Variants in LRBA observed in about 807,000 individuals in gnomAD.
LRBA encodes LPS responsive beige-like anchor protein.
A neutral mutation model predicts 330.0 loss-of-function variants in LRBA; 176 were observed. The ratio of observed to expected loss-of-function variants is 0.53; its 90% CI spans 0.47 to 0.60. The LOEUF (loss-of-function observed/expected upper bound fraction) is 0.60, where lower values mean the gene tolerates loss of function less well. Among genes scored for constraint, LRBA ranks in the 20% least tolerant of loss-of-function variants. The pLI, the probability that LRBA is intolerant of heterozygous loss-of-function variation, is 0.00. For missense variants in LRBA, 3,259 were observed against 3,444.8 expected (o/e 0.95, Z 1.35); for synonymous variants, 1,230 against 1,193.0 (o/e 1.03, Z -0.64).
intron 35 of LRBA, among the ~76,000 whole-genome samples, chr4:150,737,446 C>T (rs767374827): frequency 3.1e-4 from 47 of 149,668 alleles, no homozygotes; most frequent in South Asian, 8.5e-4. Context: ...GGTGACAGAG[C>T]GAGACTCCGA....
At chr4:150,567,568 T>G (rs1273004295) in intron 40 of LRBA, among the ~76,000 whole-genome samples, 1 of 152,156 alleles carries the variant, frequency 6.6e-6, no homozygotes, top group Admixed American at 6.6e-5. Context: ...TAGCAAGGTT[T>G]CTATACAGAT....
chr4:150,488,910 T>C (rs1561248345), intron 41 of LRBA, among the ~76,000 whole-genome samples: 2 of 129,854 alleles, frequency 1.5e-5, no homozygotes, highest in South Asian at 2.5e-4. Context: ...TAAGAATATA[T>C]ACACACACAT....
chr4:150,362,121 T>A (rs575357251), intron 47 of LRBA, among the ~76,000 whole-genome samples: 2 of 152,194 alleles, frequency 1.3e-5, no homozygotes, highest in East Asian at 3.9e-4. Context: ...AATTAATATA[T>A]CAAAAACCAA....
chr4:150,873,889 T>C (rs1311570306), intron 17 of LRBA, among the ~76,000 whole-genome samples: 1 of 152,176 alleles, frequency 6.6e-6, no homozygotes, highest in Non-Finnish European at 1.5e-5. Flanking sequence ...TTTGATTCCT[T>C]TTAAAACATG....
At chr4:150,618,042 C>T (rs1486004669) in intron 37 of LRBA, among the ~76,000 whole-genome samples, 1 of 151,928 alleles carries the variant, frequency 6.6e-6, no homozygotes, top group Non-Finnish European at 1.5e-5. Context: ...GAGGTTGAGG[C>T]TGCAGTGAGG....
intron 47 of LRBA, among the ~76,000 whole-genome samples, chr4:150,384,046 T>C (rs1279974915): frequency 6.6e-6 from 1 of 151,904 alleles, no homozygotes; most frequent in Non-Finnish European, 1.5e-5. Context: ...ATTTATTTAT[T>C]TATTTATTTT....
intron 31 of LRBA, among the ~76,000 whole-genome samples, chr4:150,815,251 A>G (rs1243682943): frequency 6.6e-6 from 1 of 151,784 alleles, no homozygotes; most frequent in Non-Finnish European, 1.5e-5. Flanking sequence ...TAGAAAAACC[A>G]CAGTTGATTC....
At chr4:150,770,153 A>G (rs1487550960) in intron 34 of LRBA, among the ~76,000 whole-genome samples, 1 of 152,174 alleles carries the variant, frequency 6.6e-6, no homozygotes, top group Non-Finnish European at 1.5e-5. Flanking sequence ...GTTGGGAAAG[A>G]CATCCTCTTC....
chr4:150,973,965 A>G (rs1008497905), intron 2 of LRBA, among the ~76,000 whole-genome samples: 5 of 152,272 alleles, frequency 3.3e-5, no homozygotes, highest in African/African-American at 7.2e-5. Context: ...AAGATCAAAT[A>G]TAAGACGCAC....
At chr4:150,345,717 C>G (rs895688416) in intron 48 of LRBA, among the ~76,000 whole-genome samples, 2 of 152,140 alleles carry the variant, frequency 1.3e-5, no homozygotes, top group Non-Finnish European at 2.9e-5. Context: ...TTGTTTGTTT[C>G]TTTGTTCATT....
rs150963950 is a variant in LRBA at position 150,881,293 on chromosome 4, G to A, written c.2166-8538C>T. Among the ~76,000 whole-genome samples the A allele has an allele frequency of 5.3e-3, 804 of 152,276 alleles. 6 individuals are homozygous for A. Among genetic ancestry groups the A allele is most frequent in the Middle Eastern group, 0.01 (3 of 294 alleles). On this transcript the variant is annotated intron_variant, in intron 17 of 56. Coordinates refer to ENST00000651943, the MANE Select transcript of LRBA (RefSeq NM_001364905.1). ...GTTTCTATCAACGGTAGATTGGATA[G>A]AGAAAATGTAATACATATACACCAA...
intron 2 of LRBA, among the ~76,000 whole-genome samples, chr4:150,968,469 C>T (rs1739153532): frequency 6.6e-6 from 1 of 152,180 alleles, no homozygotes; most frequent in African/African-American, 2.4e-5. Flanking sequence ...AGCTTCATGG[C>T]TGATATGGAG....
rs957465373 is a variant in LRBA at position 150,641,709 on chromosome 4, G to T, written c.5921+41842C>A. On this transcript the variant is annotated intron_variant, in intron 37 of 56. Coordinates refer to ENST00000651943, the MANE Select transcript of LRBA (RefSeq NM_001364905.1). ...ATATGTTCTTCTTTATATGCACAAG[G>T]GCAAGAATTAGTTTAGGGGTATAGG... Among the ~76,000 whole-genome samples the T allele has an allele frequency of 4.6e-5, 7 of 151,930 alleles. No individual in the cohort carries two copies. In the East Asian group the frequency reaches 1.3e-3, roughly 29 times the overall value.
chr4:150,305,708 A>C (rs1321411389), intron 52 of LRBA, among the ~76,000 whole-genome samples: 2 of 152,238 alleles, frequency 1.3e-5, no homozygotes, highest in African/African-American at 4.8e-5. Flanking sequence ...AGTTACATCT[A>C]AAGGGTTTTA....
chr4:150,708,304 C>T (rs770791203), intron 36 of LRBA, among the ~76,000 whole-genome samples: 10 of 151,806 alleles, frequency 6.6e-5, no homozygotes, highest in Non-Finnish European at 1.5e-4. Context: ...GCAAACTTGT[C>T]TAAATCATTC....
At chr4:150,924,590 A>G (rs1395198928) in intron 4 of LRBA, among the ~76,000 whole-genome samples, 2 of 152,202 alleles carry the variant, frequency 1.3e-5, no homozygotes, top group East Asian at 1.9e-4. Flanking sequence ...ATGTCCACCA[A>G]TGCAATATTT....
intron 2 of LRBA, among the ~76,000 whole-genome samples, chr4:150,938,177 T>C (rs1253798651): frequency 6.6e-6 from 1 of 152,020 alleles, no homozygotes. Context: ...TTAACACCTG[T>C]CTAAAAATGT....
chr4:150,490,881 G>T, intron 41 of LRBA, 37 bp downstream of exon 41: 1 of 1,222,004 alleles, frequency 8.2e-7, no homozygotes, highest in South Asian at 1.3e-5. Context: ...AGAGATGGAA[G>T]TTAGCTCTGT....
chr4:150,658,899 G>A lies in LRBA; in HGVS notation c.5921+24652C>T, dbSNP rs2126807514. ...AGCGCCGCCACGCCTGACTGGTTTT[G>A]GTGGAGACAGGGTTTCGCTGTGTTG... On this transcript the variant is annotated intron_variant, in intron 37 of 56. Coordinates refer to ENST00000651943, the MANE Select transcript of LRBA (RefSeq NM_001364905.1). 5.6e-5 allele frequency among the ~76,000 whole-genome samples: 2 copies of A among 35,416 alleles called. 1 individual carries two copies. The highest frequency in any genetic ancestry group is 8.2e-5 in the African/African-American group (2 of 24,390). 23.2% of individuals were successfully genotyped at this position (35,416 alleles called of 152,430 possible). A position where few individuals can be genotyped will look rare whatever the true frequency, so the allele number is the denominator to read the frequency against.
Sources: allele counts gnomAD v4.1 joint callset (sites outside exome capture counted in the v4.1 genomes callset), GRCh38; gene constraint gnomAD v4.1.1; transcripts MANE v1.5; gene names NCBI Gene and HGNC (gene_info 2026-07-23, HGNC 2026-07-21).